Variants in TUT7 observed in about 807,000 individuals in gnomAD.
TUT7 encodes the protein terminal uridylyltransferase 7.
TUT7 carries 33 observed loss-of-function variants against 165.9 expected under a neutral mutation model. The observed-to-expected ratio is 0.20, with a 90% confidence interval of 0.15 to 0.27. TUT7 has a LOEUF of 0.27. TUT7 is among the 10% of genes least tolerant of loss of function. TUT7 has a pLI of 1.00. For synonymous variants in TUT7, 552 were observed against 608.1 expected (o/e 0.91, Z 1.36); for missense variants, 1,338 against 1,762.3 (o/e 0.76, Z 4.31).
chr9:86,312,846 C>T (rs947054120), intron 17 of TUT7, among the ~76,000 whole-genome samples: 4 of 152,162 alleles, frequency 2.6e-5, no homozygotes, highest in African/African-American at 4.8e-5. Flanking sequence ...CCTGCTGTAT[C>T]CACTCAGGGT....
chr9:86,352,449 A>G (rs1832385071), intron 2 of TUT7: 1 of 599,768 alleles, frequency 1.7e-6, no homozygotes, highest in Admixed American at 3.1e-5. Context: ...ACGTAAAGTG[A>G]GCCCTGGGGC....
chr9:86,352,792 A>C lies in TUT7; in HGVS notation c.408T>G (p.Asn136Lys), dbSNP rs764186753. 8.7e-6 allele frequency: 14 copies of C among 1,613,816 alleles called. No individual in the cohort carries two copies. The African/African-American group carries it at 1.6e-4, about 18-fold the overall frequency. ...TGTCTTGCCACCTATAACCATCTTC[A>C]TTTTCTTGAAAGGAGTCTTTTCTTT... The part of the protein sequence containing the change: ...NRQRKDSFQE[N>K]EDGYRWQDTR... The change falls in exon 2 of 27, where the codon AAT becomes AAG. Residue 136 changes from asparagine to lysine, a missense_variant. Around this residue, in one of 7 missense-constraint regions of TUT7, gnomAD observed 434 missense variants for 480.8 expected, o/e 0.90. Coordinates refer to ENST00000375963, the MANE Select transcript of TUT7 (RefSeq NM_024617.4).
In TUT7 at chr9:86,315,115, A is replaced by C. The variant is rs140822082; in HGVS notation, c.3274+2104T>G. Among the ~76,000 whole-genome samples, 453 of 152,296 alleles carry C rather than the reference A, an allele frequency of 3.0e-3. 2 individuals are homozygous for C. Among genetic ancestry groups the C allele is most frequent in the Non-Finnish European group, 5.3e-3 (363 of 68,014 alleles). ...AAGCTTTCACAAAAAAAACATACAG[A>C]TTTTTTTACTTTTCCACCATCCCTA... On this transcript the variant is annotated intron_variant, in intron 17 of 26. Coordinates refer to ENST00000375963, the MANE Select transcript of TUT7 (RefSeq NM_024617.4).
chr9:86,307,347 G>A (rs1338256755), intron 22 of TUT7, among the ~76,000 whole-genome samples: 1 of 151,928 alleles, frequency 6.6e-6, no homozygotes, highest in Admixed American at 6.6e-5. Context: ...GGCGTAGTAA[G>A]TCAAAAATTC....
At chr9:86,327,675 C>A (rs1829916514) in intron 11 of TUT7, among the ~76,000 whole-genome samples, 1 of 152,212 alleles carries the variant, frequency 6.6e-6, no homozygotes, top group Non-Finnish European at 1.5e-5. Flanking sequence ...GAAAACACAA[C>A]TGGAAAATCT....
chr9:86,298,688 GA>G, intron 26 of TUT7: 1 of 715,492 alleles, frequency 1.4e-6, no homozygotes, highest in Non-Finnish European at 1.7e-6. Flanking sequence ...CATATTTGGA[GA>G]AAAAGTCTCA....
chr9:86,336,444 C>T (rs1321196653), intron 10 of TUT7, among the ~76,000 whole-genome samples: 1 of 152,186 alleles, frequency 6.6e-6, no homozygotes, highest in Non-Finnish European at 1.5e-5. Flanking sequence ...GCAATAATCC[C>T]TTATGCCAGG....
chr9:86,353,945 G>A (rs1278406031), intron 1 of TUT7, among the ~76,000 whole-genome samples: 1 of 151,212 alleles, frequency 6.6e-6, no homozygotes, highest in Non-Finnish European at 1.5e-5. Flanking sequence ...CCATCTGACC[G>A]CTCCACCACC....
chr9:86,343,206 A>T (rs1338231885), intron 5 of TUT7, 43 bp from the exon 6 acceptor site: 2 of 1,254,770 alleles, frequency 1.6e-6, no homozygotes, highest in African/African-American at 3.1e-5. Context: ...ATACAGTAGA[A>T]TTTCTCAAAA....
intron 6 of TUT7, 80 bp downstream of exon 6, chr9:86,342,995 T>C: frequency 1.1e-6 from 1 of 945,172 alleles, no homozygotes; most frequent in Admixed American, 2.4e-5. Context: ...ATATCTAAAA[T>C]ATATTCATAG....
intron 10 of TUT7, 113 bp downstream of exon 10, chr9:86,337,306 A>G: frequency 8.5e-7 from 1 of 1,176,498 alleles, no homozygotes; most frequent in Non-Finnish European, 1.2e-6. Flanking sequence ...AGTAGAATAA[A>G]TAAATCCATG....
chr9:86,337,613 T>G, intron 9 of TUT7, 75 bp from the exon 10 acceptor site: 4 of 1,496,146 alleles, frequency 2.7e-6, no homozygotes, highest in South Asian at 1.3e-5. Context: ...GCCTAAAACC[T>G]GTAACCTCAT....
At chr9:86,299,065 G>A (rs1219767633) in intron 26 of TUT7, among the ~76,000 whole-genome samples, 2 of 152,140 alleles carry the variant, frequency 1.3e-5, no homozygotes, top group East Asian at 3.9e-4. Context: ...AGTGCTGCAG[G>A]TCAGCCAGAG....
At chr9:86,340,393 G>C (rs113421132) in intron 7 of TUT7, among the ~76,000 whole-genome samples, 92 of 152,220 alleles carry the variant, frequency 6.0e-4, no homozygotes, top group African/African-American at 2.0e-3. Context: ...TAGAAATATA[G>C]GTAATACATT....
At chr9:86,309,378 AC>A in intron 20 of TUT7, 84 bp downstream of exon 20, 1 of 1,441,496 alleles carries the variant, frequency 6.9e-7, no homozygotes, top group South Asian at 1.2e-5. Context: ...AAAATTAACT[AC>A]AGAACCACAG....
chr9:86,335,125 T>C lies in TUT7; in HGVS notation c.1455+2294A>G, dbSNP rs866054072. On this transcript the variant is annotated intron_variant, in intron 10 of 26. Transcript: ENST00000375963. ...GGACTATAACATTTGTTCTCCTTCC[T>C]TGTTTCAGGAATTTTACATTCATTA... Among the ~76,000 whole-genome samples, 7 of 152,308 alleles carry C rather than the reference T, an allele frequency of 4.6e-5. 1 individual carries two copies. In the South Asian group the frequency reaches 1.0e-3, roughly 23 times the overall value.
chr9:86,323,177 T>C lies in TUT7; in HGVS notation c.2573A>G (p.Glu858Gly). The C allele has an allele frequency of 6.2e-7, 1 of 1,614,218 alleles. No homozygotes were observed. The highest frequency in any genetic ancestry group is 8.5e-7 in the Non-Finnish European group (1 of 1,180,038). The stretch of plus-strand genomic sequence containing the variant: ...TTGGTTAATGGTGAGCCTAGGTTCT[T>C]CTTCCTCCTCCTCTTCTTCGTCGTC... ...EEDDEEEEEE[E>G]EPRLTINQRE... The change falls in exon 13 of 27, where the codon GAA (glutamate) becomes GGA (glycine). Residue 858 changes from glutamate (E) to glycine (G), a missense_variant. By Grantham distance (98) the Glu-to-Gly change is moderately conservative. Coordinates refer to ENST00000375963, the MANE Select transcript of TUT7 (RefSeq NM_024617.4).
intron 24 of TUT7, among the ~76,000 whole-genome samples, chr9:86,303,841 C>G (rs573387864): frequency 3.3e-5 from 5 of 152,282 alleles, no homozygotes; most frequent in Admixed American, 2.6e-4. Context: ...GTGATTTGTT[C>G]GAACAAGTTT....
intron 12 of TUT7, 24 bp downstream of exon 12, chr9:86,325,310 A>G: frequency 6.2e-7 from 1 of 1,607,430 alleles, no homozygotes; most frequent in East Asian, 2.2e-5. Flanking sequence ...AGTGGGGGGG[A>G]ATAAGATAAA....
Sources: allele counts gnomAD v4.1 joint callset (sites outside exome capture counted in the v4.1 genomes callset), GRCh38; gene constraint gnomAD v4.1.1; regional missense constraint gnomAD v4.1.1; transcripts MANE v1.5; gene names NCBI Gene and HGNC (gene_info 2026-07-23, HGNC 2026-07-21).